The following DARS2 variants were observed in gnomAD, a reference collection of about 807,000 sequenced individuals.
The protein encoded by DARS2 is aspartate--tRNA ligase, mitochondrial.
DARS2 carries 63 observed loss-of-function variants against 83.0 expected under a neutral mutation model. The observed-to-expected ratio is 0.76, with a 90% confidence interval of 0.62 to 0.94. DARS2 has a LOEUF of 0.94. Among genes scored for constraint, DARS2 ranks in the 40% least tolerant of loss-of-function variants. DARS2 has a pLI of 0.00. For synonymous variants in DARS2, 250 were observed against 269.3 expected (o/e 0.93, Z 0.70); for missense variants, 675 against 774.4 (o/e 0.87, Z 1.52).
chr1:173,854,639 T>C (rs1299975199), intron 15 of DARS2, among the ~76,000 whole-genome samples: 2 of 152,128 alleles, frequency 1.3e-5, no homozygotes, highest in Non-Finnish European at 2.9e-5. Flanking sequence ...CTTAAGCCCA[T>C]GCTCCTAACC....
chr1:173,844,669 CAAAAAAAAAAAAAAAAAAAAAAAAAAA>C (rs549839808), intron 11 of DARS2, among the ~76,000 whole-genome samples: 27 of 29,892 alleles, frequency 9.0e-4, no homozygotes, highest in Non-Finnish European at 1.8e-3. Context: ...GACTCCATCG[CAAAAAAAAAAAAAAAAAAAAAAAAAAA>C]AAAAAAAAAA....
At chr1:173,834,744 T>TTA (rs1652926150) in intron 7 of DARS2, among the ~76,000 whole-genome samples, 1 of 127,802 alleles carries the variant, frequency 7.8e-6, no homozygotes, top group African/African-American at 3.8e-5. Flanking sequence ...TTTTTTTTTT[T>TTA]TTTTTTTTTT....
intron 11 of DARS2, among the ~76,000 whole-genome samples, chr1:173,843,393 T>A (rs1331874049): frequency 6.6e-6 from 1 of 152,128 alleles, no homozygotes; most frequent in East Asian, 1.9e-4. Flanking sequence ...ACCACGTCTG[T>A]ACTAAAAATG....
In DARS2 at chr1:173,825,002, G is replaced by A. The variant is rs2102629378; in HGVS notation, c.-228G>A. On this transcript the variant is annotated 5_prime_UTR_variant, in exon 1 of 17. Coordinates refer to ENST00000649689, the MANE Select transcript of DARS2 (RefSeq NM_018122.5). ...AGACTGATGCTTTAAGACTCAGGGA[G>A]AGGTCTTTCCCTTATCTCCACCCCA... 2.1e-6 allele frequency: 1 copy of A among 467,490 alleles called. No homozygotes were observed. Among genetic ancestry groups the A allele is most frequent in the Middle Eastern group, 6.6e-4 (1 of 1,522 alleles). The allele number at this position is 467,490 out of a possible 1,614,324, so 29.0% of individuals were successfully genotyped here.
At position 173,828,313 on chromosome 1, in the gene DARS2, TC is replaced by T. The variant is rs374122386; in HGVS notation, c.228-10del. ...AGATTTTATCTTAAAATGTTTCTTT[TC>T]CCCCCCCCCATTAATCAGGCAAAAC... On this transcript the variant is annotated intron_variant, in intron 2 of 16. Transcript: ENST00000649689. 44,982 of 1,133,618 alleles carry T rather than the reference TC, an allele frequency of 0.04. 68 individuals are homozygous for T. The highest frequency in any genetic ancestry group is 0.05 in the East Asian group (1,651 of 32,774). 70.2% of individuals were successfully genotyped at this position (1,133,618 alleles called of 1,614,324 possible).
At chr1:173,844,245 T>G (rs541547195) in intron 11 of DARS2, among the ~76,000 whole-genome samples, 1 of 152,284 alleles carries the variant, frequency 6.6e-6, no homozygotes, top group South Asian at 2.1e-4. Flanking sequence ...CCTCAAATAA[T>G]CAAATTCTGA....
chr1:173,834,556 C>T, intron 7 of DARS2, 37 bp downstream of exon 7: 1 of 1,495,592 alleles, frequency 6.7e-7, no homozygotes, highest in East Asian at 2.3e-5. Flanking sequence ...TTAATAATGT[C>T]CTATTAGTTA....
Position 173,838,059 on chromosome 1 carries a change from C to T in DARS2, c.771-131C>T, listed in dbSNP as rs144277420. ...AAGTGCTGGGATTATAGGTATGAGC[C>T]GCCATGCCCGGCCCTTCTTACGTTT... On this transcript the variant is annotated intron_variant, in intron 8 of 16. Transcript: ENST00000649689. 892 of 750,836 alleles carry T rather than the reference C, an allele frequency of 1.2e-3. 3 individuals carry two copies. Among genetic ancestry groups the T allele is most frequent in the Middle Eastern group, 6.7e-3 (20 of 2,980 alleles). The allele number at this position is 750,836 out of a possible 1,614,324, so 46.5% of individuals were successfully genotyped here.
rs1652598098 is a variant in DARS2, at chr1:173,826,792, T to C, written c.227+6T>C. ...GGATGGATTCAGTACCGAAGGTAAA[T>C]TGAGAAAGACAGTCTAAGAATGCAT... On this transcript the variant is annotated splice_donor_region_variant and intron_variant, in intron 2 of 16. Transcript: ENST00000649689. The C allele has an allele frequency of 1.9e-6, 3 of 1,602,786 alleles. No individual in the cohort carries two copies. Among genetic ancestry groups the C allele is most frequent in the East Asian group, 2.2e-5 (1 of 44,814 alleles).
At chr1:173,844,950 T>C (rs892991320) in intron 11 of DARS2, among the ~76,000 whole-genome samples, 10 of 151,290 alleles carry the variant, frequency 6.6e-5, no homozygotes, top group Admixed American at 4.6e-4. Context: ...CCTGCCACCA[T>C]ACCAGACTAA....
chr1:173,838,301 C>G, intron 9 of DARS2, 42 bp downstream of exon 9: 2 of 1,491,002 alleles, frequency 1.3e-6, no homozygotes, highest in South Asian at 2.3e-5. Context: ...TTCAGGCTTA[C>G]TATTTTGAAA....
intron 5 of DARS2, 69 bp from the exon 6 acceptor site, chr1:173,833,307 T>C: frequency 7.0e-7 from 1 of 1,430,954 alleles, no homozygotes; most frequent in Non-Finnish European, 9.3e-7. Context: ...AAATTCAAAC[T>C]CTTTCTAAAG....
chr1:173,853,543 TCTC>T lies in DARS2; in HGVS notation c.1542_1544del (p.Leu515del), dbSNP rs1300046283. The stretch of plus-strand genomic sequence containing the variant: ...CTGCTCCCCACCCCAGTGACATACA[TCTC>T]CTGTACACTGAGCCCAAAAAGGTAC... On this transcript the variant is annotated inframe_deletion, in exon 14 of 17. Transcript: ENST00000649689. The T allele has an allele frequency of 6.2e-7, 1 of 1,613,784 alleles. No individual in the cohort carries two copies. Among genetic ancestry groups the T allele is most frequent in the South Asian group, 1.1e-5 (1 of 91,062 alleles).
chr1:173,838,307 T>C, intron 9 of DARS2, 48 bp downstream of exon 9: 7 of 1,413,780 alleles, frequency 5.0e-6, no homozygotes, highest in African/African-American at 1.4e-5. Flanking sequence ...CTTACTATTT[T>C]GAAATAGTAT....
intron 12 of DARS2, among the ~76,000 whole-genome samples, chr1:173,846,031 G>T (rs1310625339): frequency 6.6e-6 from 1 of 152,030 alleles, no homozygotes; most frequent in African/African-American, 2.4e-5. Context: ...GGTGGCGCGG[G>T]CCTGTAGTCC....
chr1:173,856,801 G>A, intron 16 of DARS2, 60 bp downstream of exon 16: 1 of 1,453,720 alleles, frequency 6.9e-7, no homozygotes, highest in Non-Finnish European at 9.6e-7. Context: ...TCAAATTCAG[G>A]TTCTCAGTTT....
chr1:173,853,124 C>A (rs1250947890), intron 13 of DARS2, among the ~76,000 whole-genome samples: 1 of 152,110 alleles, frequency 6.6e-6, no homozygotes, highest in African/African-American at 2.4e-5. Context: ...TCTTAATCAC[C>A]GAGTTATCAG....
rs1024515393 is a variant in DARS2 at position 173,830,711 on chromosome 1, G to A, written c.346G>A (p.Val116Met). Residue 116 changes from valine to methionine, a missense_variant, in exon 4 of 17, where the codon GTG (valine) becomes ATG (methionine). Val to Met is a conservative substitution (Grantham distance 21). Coordinates refer to ENST00000649689, the MANE Select transcript of DARS2 (RefSeq NM_018122.5). The part of the protein sequence containing the change: ...ILCEAPVESV[V>M]QVSGTVISRP... ...ATGTGAAGCCCCTGTGGAATCTGTGGTGCAAGTGTCTGGTACAGTCATTTC... is the reference window on the plus strand; with the variant it reads ...ATGTGAAGCCCCTGTGGAATCTGTGATGCAAGTGTCTGGTACAGTCATTTC... 5 of 1,613,956 alleles carry A rather than the reference G, an allele frequency of 3.1e-6. No individual in the cohort carries two copies. The highest frequency in any genetic ancestry group is 8.5e-7 in the Non-Finnish European group (1 of 1,179,966).
intron 13 of DARS2, 96 bp downstream of exon 13, chr1:173,850,575 A>C (rs2102659475): frequency 7.8e-7 from 1 of 1,281,676 alleles, no homozygotes; most frequent in Non-Finnish European, 1.1e-6. Flanking sequence ...TAGACTGTTA[A>C]TTCATAAAAT....
Sources: allele counts gnomAD v4.1 joint callset (sites outside exome capture counted in the v4.1 genomes callset), GRCh38; gene constraint gnomAD v4.1.1; transcripts MANE v1.5; gene names NCBI Gene and HGNC (gene_info 2026-07-23, HGNC 2026-07-21).